Variants in FAT1 observed in about 807,000 individuals in gnomAD.
The protein encoded by FAT1 is protocadherin Fat 1.
In FAT1, 171 loss-of-function variants were observed where a neutral mutation model predicts 329.8. The observed-to-expected ratio is 0.52, with a 90% CI of 0.46 to 0.59. The LOEUF (loss-of-function observed/expected upper bound fraction) is 0.59. Ranked by LOEUF, FAT1 falls within the 20% of genes least tolerant of loss-of-function variation. The pLI, the probability that FAT1 is intolerant of heterozygous loss-of-function variation, is 0.00. For missense variants in FAT1, 5,672 were observed against 5,774.4 expected (o/e 0.98, Z 0.57); for synonymous variants, 2,233 against 2,228.6 (o/e 1.00, Z -0.06).
At position 186,723,740 on chromosome 4, in the gene FAT1, C is replaced by G. The variant is rs1311640213; in HGVS notation, c.-95G>C. 2 of 151,082 alleles carry G rather than the reference C, an allele frequency of 1.3e-5. No individual in the cohort carries two copies. The highest frequency in any genetic ancestry group is 2.4e-5 in the African/African-American group (1 of 41,104). 9.4% of individuals were successfully genotyped at this position (151,082 alleles called of 1,614,324 possible). A position where few individuals can be genotyped will look rare whatever the true frequency, so the allele number is the denominator to read the frequency against. ...TCTCAGCGCGCCCCCGAGCAGGGAC[C>G]GGGCCTGCCGGGGCCCTCGCCGGGC... On this transcript the variant is annotated 5_prime_UTR_variant, in exon 1 of 27. Coordinates refer to ENST00000441802, the MANE Select transcript of FAT1 (RefSeq NM_005245.4).
chr4:186,620,988 T>C lies in FAT1; in HGVS notation c.5598A>G (p.Thr1866=), dbSNP rs1055794636. 1 of 1,613,298 alleles carries C rather than the reference T, an allele frequency of 6.2e-7. No homozygotes were observed. Among genetic ancestry groups the C allele is most frequent in the Non-Finnish European group, 8.5e-7 (1 of 1,179,890 alleles). Residue 1866 remains threonine (T), a synonymous_variant, in exon 10 of 27, where the codon ACA becomes ACG. Coordinates refer to ENST00000441802, the MANE Select transcript of FAT1 (RefSeq NM_005245.4). ...AGTCATTAATGTCAATTACATGTACTGTTACATTCGCTGCATACTCAGCAA... is the reference window on the plus strand; with the variant it reads ...AGTCATTAATGTCAATTACATGTACCGTTACATTCGCTGCATACTCAGCAA... ...RLFAEYAANV[T]VHVIDINDCP...
chr4:186,635,240 C>G (rs1278795582), intron 6 of FAT1, among the ~76,000 whole-genome samples: 2 of 152,066 alleles, frequency 1.3e-5, no homozygotes, highest in African/African-American at 2.4e-5. Context: ...TAAAGTCCCC[C>G]CCAGAGAGAT....
chr4:186,696,501 C>CAGCT (rs1744048557), intron 2 of FAT1, among the ~76,000 whole-genome samples: 2 of 152,156 alleles, frequency 1.3e-5, no homozygotes, highest in Admixed American at 1.3e-4. Flanking sequence ...CCTGAGCAGG[C>CAGCT]AGCTACTCGG....
At chr4:186,646,183 C>T (rs893618390) in intron 3 of FAT1, among the ~76,000 whole-genome samples, 7 of 152,068 alleles carry the variant, frequency 4.6e-5, no homozygotes, top group Non-Finnish European at 7.4e-5. Context: ...TCACCTCACC[C>T]GGCAGGAAAT....
intron 26 of FAT1, among the ~76,000 whole-genome samples, chr4:186,594,676 GTATATATATATA>G (rs60074549): frequency 1.6e-5 from 2 of 128,352 alleles, no homozygotes; most frequent in Admixed American, 7.7e-5. Context: ...ATACTTGAAA[GTATATATATATA>G]TATATATATA....
intron 3 of FAT1, among the ~76,000 whole-genome samples, chr4:186,647,239 C>T (rs1741425328): frequency 6.6e-6 from 1 of 152,190 alleles, no homozygotes; most frequent in Non-Finnish European, 1.5e-5. Flanking sequence ...TTTTTAGCCA[C>T]CACTAATTAT....
Position 186,706,933 on chromosome 4 carries a change from G to A in FAT1, c.2895C>T (p.Ser965=), listed in dbSNP as rs776729785. The change falls in exon 2 of 27, where the codon AGC becomes AGT. Residue 965 remains serine, a synonymous_variant. Transcript: ENST00000441802. ...AGTTTCCTTCTCCGTGGTCCAGAAG[G>A]CTGTATCTCACCTGACCAGACTGAC... ...DLGQSGQVRY[S]LLDHGEGNFD... The A allele has an allele frequency of 5.6e-6, 9 of 1,613,962 alleles. No individual in the cohort carries two copies. The highest frequency in any genetic ancestry group is 6.8e-6 in the Non-Finnish European group (8 of 1,179,890).
At chr4:186,606,684 C>T (rs1739154311) in intron 16 of FAT1, among the ~76,000 whole-genome samples, 1 of 152,158 alleles carries the variant, frequency 6.6e-6, no homozygotes, top group Admixed American at 6.5e-5. Flanking sequence ...CACTCCAGAT[C>T]ACCCTCCCCC....
rs774357573 is a variant in FAT1 at position 186,663,481 on chromosome 4, T to C, written c.3398A>G (p.Asn1133Ser). The C allele has an allele frequency of 2.4e-5, 38 of 1,613,946 alleles. No homozygotes were observed. The highest frequency in any genetic ancestry group is 3.3e-4 in the Middle Eastern group (2 of 6,084). ...IEIYIEVEDV[N>S]DNAPQTSEPV... ...CTCTGATGTCTGTGGTGCATTGTCA[T>C]TGACATCCTCAACCTCTATGTAGAT... The change falls in exon 3 of 27, where the codon AAT (asparagine) becomes AGT (serine). Residue 1133 changes from asparagine to serine, a missense_variant. Transcript: ENST00000441802.
intron 4 of FAT1, 74 bp downstream of exon 4, chr4:186,639,648 G>C (rs949436267): frequency 1.0e-6 from 1 of 993,304 alleles, no homozygotes. Context: ...CTGGTTAATG[G>C]GAACAAGATT....
intron 1 of FAT1, among the ~76,000 whole-genome samples, chr4:186,710,309 C>G (rs1271067524): frequency 6.6e-6 from 1 of 152,102 alleles, no homozygotes; most frequent in African/African-American, 2.4e-5. Context: ...CTTCTGACAA[C>G]TAATTCAGAA....
In FAT1 at chr4:186,663,467, G is replaced by C. The variant is rs770985274; in HGVS notation, c.3412C>G (p.Gln1138Glu). 3 of 1,613,882 alleles carry C rather than the reference G, an allele frequency of 1.9e-6. No homozygotes were observed. The highest frequency in any genetic ancestry group is 4.5e-5 in the East Asian group (2 of 44,900). ...EVEDVNDNAP[Q>E]TSEPVYYPEI... ...GGGTAATAAACAGGCTCTGATGTCT[G>C]TGGTGCATTGTCATTGACATCCTCA... Residue 1138 changes from glutamine to glutamate, a missense_variant, in exon 3 of 27, where the codon CAG becomes GAG. Physicochemically the swap from Gln to Glu is conservative, Grantham distance 29. Coordinates refer to ENST00000441802, the MANE Select transcript of FAT1 (RefSeq NM_005245.4).
Position 186,619,823 on chromosome 4 carries a change from G to C in FAT1, c.6763C>G (p.Arg2255Gly), listed in dbSNP as rs200488891. The change falls in exon 10 of 27, where the codon CGC becomes GGC. Residue 2255 changes from arginine (R) to glycine (G), a missense_variant. Around this residue, in one of 2 missense-constraint regions of FAT1, gnomAD observed 3,966 missense variants for 3,915.2 expected, o/e 1.01. Coordinates refer to ENST00000441802, the MANE Select transcript of FAT1 (RefSeq NM_005245.4). ...GCGCCCGTCAAGGAGTCAGTTGCGC[G>C]TATGCTCAGCTTATATGCCGGGTGG... Reference protein sequence around the residue: ...EAHPAYKLSIRATDSLTGAHA... With the variant: ...EAHPAYKLSIGATDSLTGAHA... The C allele has an allele frequency of 6.2e-7, 1 of 1,614,020 alleles. No individual in the cohort carries two copies. Among genetic ancestry groups the C allele is most frequent in the Non-Finnish European group, 8.5e-7 (1 of 1,179,902 alleles).
chr4:186,721,297 T>C (rs1412627132), intron 1 of FAT1, among the ~76,000 whole-genome samples: 2 of 152,214 alleles, frequency 1.3e-5, no homozygotes, highest in Non-Finnish European at 2.9e-5. Context: ...CTCATCAGAA[T>C]ATATTTTTGA....
chr4:186,620,357 T>C lies in FAT1; in HGVS notation c.6229A>G (p.Asn2077Asp), dbSNP rs1242599457. 1.9e-6 allele frequency: 3 copies of C among 1,613,828 alleles called. No individual in the cohort carries two copies. In the African/African-American group the frequency reaches 4.0e-5, roughly 22 times the overall value. ...GGAAGGTTGACAAACACCGGCGCAT[T>C]ATCATTTTGGTCTTCTACAATGACC... The part of the protein sequence containing the change: ...VKVIVEDQND[N>D]APVFVNLPYY... The change falls in exon 10 of 27, where the codon AAT becomes GAT. Residue 2077 changes from asparagine to aspartate, a missense_variant. Physicochemically the swap from Asn to Asp is conservative, Grantham distance 23. Transcript: ENST00000441802.
intron 3 of FAT1, among the ~76,000 whole-genome samples, chr4:186,647,658 T>C (rs958196647): frequency 1.3e-5 from 2 of 152,160 alleles, no homozygotes; most frequent in Admixed American, 6.5e-5. Context: ...TGACAAACCC[T>C]TGACTGCAGG....
At chr4:186,627,092 G>C (rs561096376) in intron 9 of FAT1, among the ~76,000 whole-genome samples, 1 of 124,276 alleles carries the variant, frequency 8.0e-6, no homozygotes, top group East Asian at 3.1e-4. Context: ...CAGAATGAAT[G>C]AATGAATGAA....
intron 12 of FAT1, 118 bp downstream of exon 12, chr4:186,614,073 C>A (rs1739588979): frequency 1.2e-6 from 1 of 806,900 alleles, no homozygotes; most frequent in African/African-American, 1.8e-5. Flanking sequence ...TTCGGAGCAT[C>A]AGAATACATT....
intron 16 of FAT1, among the ~76,000 whole-genome samples, chr4:186,608,629 T>C (rs1739251565): frequency 6.6e-6 from 1 of 152,166 alleles, no homozygotes; most frequent in Non-Finnish European, 1.5e-5. Flanking sequence ...GCAACTGACC[T>C]TCCTCAGCTC....
Sources: gnomAD v4.1 joint callset for allele counts (sites outside exome capture counted in the v4.1 genomes callset) on GRCh38, gnomAD v4.1.1 for gene constraint, gnomAD v4.1.1 regional missense constraint, MANE v1.5 for transcripts, NCBI Gene and HGNC (gene_info 2026-07-23, HGNC 2026-07-21) for gene names.